Variants in MACC1 observed in about 807,000 individuals in gnomAD.
MACC1 encodes MET transcriptional regulator MACC1, also known as metastasis-associated in colon cancer protein 1.
MACC1 carries 79 observed loss-of-function variants against 70.7 expected under a neutral mutation model. That is an observed-to-expected ratio of 1.12 (90% CI 0.93 to 1.35). MACC1 has a LOEUF of 1.35. Among genes scored for constraint, MACC1 ranks in the 40% most tolerant of loss-of-function variants. The pLI is 0.00. For missense variants in MACC1, 1,106 were observed against 978.1 expected (o/e 1.13, Z -1.74); for synonymous variants, 361 against 347.2 (o/e 1.04, Z -0.44).
In MACC1 at chr7:20,159,319, C is replaced by T; in HGVS notation, c.1042G>A (p.Val348Ile). 1 of 1,614,084 alleles carries T rather than the reference C, an allele frequency of 6.2e-7. No individual in the cohort carries two copies. The highest frequency in any genetic ancestry group is 8.5e-7 in the Non-Finnish European group (1 of 1,180,010). ...GGAAGAGCTTTAGCTTGTGCAGCAA[C>T]CACTAGATACATTACCTGACTCAAG... is the stretch of plus-strand genomic sequence containing the variant. ...IDLSQVMYLV[V>I]AAQAKALPSP... Residue 348 changes from valine to isoleucine, a missense_variant, in exon 5 of 7, where the codon GTT (valine) becomes ATT (isoleucine). Val to Ile is a conservative substitution (Grantham distance 29, BLOSUM62 3). Coordinates refer to ENST00000400331, the MANE Select transcript of MACC1 (RefSeq NM_182762.4).
intron 1 of MACC1, among the ~76,000 whole-genome samples, chr7:20,189,025 C>T (rs1459504553): frequency 6.6e-6 from 1 of 152,136 alleles, no homozygotes; most frequent in Non-Finnish European, 1.5e-5. Context: ...ATTTCTTGAA[C>T]ACAGCAGGCA....
intron 1 of MACC1, among the ~76,000 whole-genome samples, chr7:20,203,937 T>C (rs1435615472): frequency 6.6e-6 from 1 of 152,198 alleles, no homozygotes; most frequent in African/African-American, 2.4e-5. Flanking sequence ...CAATGTGGGC[T>C]CATCACTAAA....
At chr7:20,204,220 T>A (rs951527974) in intron 1 of MACC1, among the ~76,000 whole-genome samples, 2 of 152,166 alleles carry the variant, frequency 1.3e-5, no homozygotes, top group Non-Finnish European at 2.9e-5. Flanking sequence ...AGTGGCGTGA[T>A]CTCGGCTCAC....
At chr7:20,167,209 C>T (rs1782234017) in intron 2 of MACC1, among the ~76,000 whole-genome samples, 1 of 150,802 alleles carries the variant, frequency 6.6e-6, no homozygotes, top group African/African-American at 2.4e-5. Context: ...ATTATTTTTT[C>T]AATGGAGATG....
chr7:20,145,780 TG>T (rs1781881510), intron 6 of MACC1, among the ~76,000 whole-genome samples: 1 of 152,088 alleles, frequency 6.6e-6, no homozygotes, highest in Non-Finnish European at 1.5e-5. Flanking sequence ...CGAGAAGGAA[TG>T]AGAACAAAAG....
chr7:20,209,420 T>C (rs1782963402), intron 1 of MACC1, among the ~76,000 whole-genome samples: 1 of 152,190 alleles, frequency 6.6e-6, no homozygotes, highest in African/African-American at 2.4e-5. Flanking sequence ...TAGAGTCAAA[T>C]GAGATCATTC....
intron 1 of MACC1, among the ~76,000 whole-genome samples, chr7:20,182,265 A>T (rs1018654619): frequency 3.9e-5 from 6 of 152,032 alleles, no homozygotes; most frequent in Admixed American, 2.0e-4. Flanking sequence ...TGGGTGCAGC[A>T]CACCAACATG....
chr7:20,204,670 G>A (rs1398561984), intron 1 of MACC1, among the ~76,000 whole-genome samples: 1 of 152,152 alleles, frequency 6.6e-6, no homozygotes, highest in Non-Finnish European at 1.5e-5. Flanking sequence ...GGTTAGGTGA[G>A]CTGTAACAAA....
chr7:20,209,815 A>G (rs559110755), intron 1 of MACC1, among the ~76,000 whole-genome samples: 9 of 152,288 alleles, frequency 5.9e-5, no homozygotes, highest in Middle Eastern at 3.4e-3. Flanking sequence ...CCTAATCCCC[A>G]TGTGCTGTGG....
At chr7:20,165,307 G>T (rs1412885470) in intron 2 of MACC1, among the ~76,000 whole-genome samples, 1 of 152,170 alleles carries the variant, frequency 6.6e-6, no homozygotes, top group East Asian at 1.9e-4. Context: ...GCTGTCAAAT[G>T]ATGCTGATAC....
intron 6 of MACC1, among the ~76,000 whole-genome samples, chr7:20,144,423 T>TGGCA (rs889987024): frequency 3.3e-5 from 5 of 152,200 alleles, no homozygotes; most frequent in Admixed American, 2.0e-4. Context: ...TAGGTTTGGG[T>TGGCA]GGCAGAGTCC....
intron 1 of MACC1, among the ~76,000 whole-genome samples, chr7:20,212,686 T>C (rs527631562): frequency 6.6e-6 from 1 of 152,018 alleles, no homozygotes; most frequent in Non-Finnish European, 1.5e-5. Context: ...TGCTTGAAGG[T>C]CCATTCTCCT....
chr7:20,146,653 T>G (rs1394318636), intron 6 of MACC1, among the ~76,000 whole-genome samples: 1 of 152,210 alleles, frequency 6.6e-6, no homozygotes, highest in Non-Finnish European at 1.5e-5. Flanking sequence ...CTTGTATCTA[T>G]TCTGTGTTTT....
rs1781713929 is a variant in MACC1, at chr7:20,136,024, T to C, written c.*4922A>G. ...ATTATTACTCTTAAATCACATTCTC[T>C]TTTCTCAAAGCAAAAAGAATAAAGA... On this transcript the variant is annotated 3_prime_UTR_variant, in exon 7 of 7. Coordinates refer to ENST00000400331, the MANE Select transcript of MACC1 (RefSeq NM_182762.4). 6.6e-6 allele frequency: 1 copy of C among 152,250 alleles called. No individual in the cohort carries two copies. Among genetic ancestry groups the C allele is most frequent in the Admixed American group, 6.5e-5 (1 of 15,282 alleles). The allele number at this position is 152,250 out of a possible 1,614,324, so 9.4% of individuals were successfully genotyped here. A position where few individuals can be genotyped will look rare whatever the true frequency, so the allele number is the denominator to read the frequency against.
chr7:20,216,141 T>G (rs921152246), intron 1 of MACC1, among the ~76,000 whole-genome samples: 1 of 152,134 alleles, frequency 6.6e-6, no homozygotes, highest in Non-Finnish European at 1.5e-5. Context: ...AAATTCATCA[T>G]TATCACCCAG....
intron 1 of MACC1, among the ~76,000 whole-genome samples, chr7:20,191,281 T>C (rs1054519293): frequency 6.6e-6 from 1 of 152,174 alleles, no homozygotes; most frequent in Non-Finnish European, 1.5e-5. Flanking sequence ...GAAGAGGAAG[T>C]TGTAGAACCC....
intron 1 of MACC1, among the ~76,000 whole-genome samples, chr7:20,177,336 C>G (rs1782409367): frequency 6.6e-6 from 1 of 152,048 alleles, no homozygotes; most frequent in Non-Finnish European, 1.5e-5. Context: ...ACACTCTATT[C>G]TTGTAACTAT....
chr7:20,182,707 C>G (rs928132867), intron 1 of MACC1, among the ~76,000 whole-genome samples: 3 of 152,078 alleles, frequency 2.0e-5, no homozygotes, highest in African/African-American at 7.2e-5. Context: ...CATAAAACAC[C>G]CAATACCAAC....
rs1782183086 is a variant in MACC1, at chr7:20,164,413, AG to A, written c.-152-15del. 6.6e-6 allele frequency: 1 copy of A among 152,188 alleles called. No homozygotes were observed. The highest frequency in any genetic ancestry group is 1.5e-5 in the Non-Finnish European group (1 of 68,030). 9.4% of individuals were successfully genotyped at this position (152,188 alleles called of 1,614,324 possible). A position where few individuals can be genotyped will look rare whatever the true frequency, so the allele number is the denominator to read the frequency against. ...GCCTTTTCTGATCTATAAAAATGAA[AG>A]AAAAAATTAAAACAAGATGGAAAAC... On this transcript the variant is annotated splice_polypyrimidine_tract_variant and intron_variant, in intron 2 of 6. Coordinates refer to ENST00000400331, the MANE Select transcript of MACC1 (RefSeq NM_182762.4).
Sources: gnomAD v4.1 joint callset for allele counts (sites outside exome capture counted in the v4.1 genomes callset) on GRCh38, gnomAD v4.1.1 for gene constraint, MANE v1.5 for transcripts, NCBI Gene and HGNC (gene_info 2026-07-23, HGNC 2026-07-21) for gene names.